The following ENTPD3 variants were observed in gnomAD, a reference collection of about 807,000 sequenced individuals.
ENTPD3 encodes the protein CD39 antigen-like 3.
Under a neutral mutation model 51.2 loss-of-function variants are expected in ENTPD3, and 60 were observed. That is an observed-to-expected ratio of 1.17 (90% CI 0.95 to 1.45). The LOEUF is 1.45. ENTPD3 is among the 40% of genes most tolerant of loss of function. The probability of loss-of-function intolerance (pLI) is 0.00; values close to 1 mark genes in which losing one functional copy is unlikely to be tolerated. For synonymous variants in ENTPD3, 221 were observed against 238.4 expected (o/e 0.93, Z 0.67); for missense variants, 593 against 641.1 (o/e 0.93, Z 0.81).
intron 3 of ENTPD3, 103 bp downstream of exon 3, chr3:40,392,253 C>A (rs1955075921): frequency 7.1e-7 from 1 of 1,399,464 alleles, no homozygotes; most frequent in East Asian, 2.4e-5. Context: ...ATCCTTTCCC[C>A]CCATCTCTGG....
chr3:40,401,841 G>C (rs934474951), intron 4 of ENTPD3, among the ~76,000 whole-genome samples: 4 of 152,182 alleles, frequency 2.6e-5, no homozygotes, highest in Admixed American at 6.5e-5. Context: ...CCCTGAAATG[G>C]AGTATTATCA....
rs1004842615 is a variant in ENTPD3 at position 40,424,119 on chromosome 3, T to C, written c.1353+156T>C. The C allele has an allele frequency of 4.3e-5, 42 of 985,224 alleles. 1 individual carries two copies. In the South Asian group the frequency reaches 1.8e-3, roughly 43 times the overall value. 61.0% of individuals were successfully genotyped at this position (985,224 alleles called of 1,614,324 possible). On this transcript the variant is annotated intron_variant, in intron 10 of 10. Transcript: ENST00000301825. ...TCCCTTGTGAGTTTCCCAGAAGAGGTCATGGAGAATTTAGAAGAGTTGCTC... is the reference window on the plus strand; with the variant it reads ...TCCCTTGTGAGTTTCCCAGAAGAGGCCATGGAGAATTTAGAAGAGTTGCTC...
Position 40,427,435 on chromosome 3 carries a change from C to T in ENTPD3, c.1517C>T (p.Ala506Val). 1 of 1,613,584 alleles carries T rather than the reference C, an allele frequency of 6.2e-7. No homozygotes were observed. Among genetic ancestry groups the T allele is most frequent in the Non-Finnish European group, 8.5e-7 (1 of 1,180,022 alleles). The change falls in exon 11 of 11, where the codon GCA becomes GTA. Residue 506 changes from alanine (A) to valine (V), a missense_variant. Coordinates refer to ENST00000301825, the MANE Select transcript of ENTPD3 (RefSeq NM_001248.4). ...GCCTTGCTGTGTCTGGCATTTCTTGCATACCTGTGTTCAGCAACCAGAAGA... is the reference window on the plus strand; with the variant it reads ...GCCTTGCTGTGTCTGGCATTTCTTGTATACCTGTGTTCAGCAACCAGAAGA... ...AAALLCLAFL[A>V]YLCSATRRKR... is the part of the protein sequence containing the mutation.
intron 3 of ENTPD3, among the ~76,000 whole-genome samples, chr3:40,397,138 T>TTTTTTTTTTC (rs1955224466): frequency 1.4e-5 from 2 of 147,756 alleles, no homozygotes. Flanking sequence ...TTTTTTTTTT[T>TTTTTTTTTTC]TCAGAAAGCC....
chr3:40,420,523 G>A (rs982022560), intron 7 of ENTPD3, among the ~76,000 whole-genome samples: 1 of 152,068 alleles, frequency 6.6e-6, no homozygotes, highest in African/African-American at 2.4e-5. Flanking sequence ...ACACGTGTGA[G>A]CCACCACGCC....
intron 2 of ENTPD3, among the ~76,000 whole-genome samples, chr3:40,389,645 ACAC>A (rs1390684141): frequency 1.3e-5 from 2 of 152,204 alleles, no homozygotes; most frequent in Non-Finnish European, 2.9e-5. Flanking sequence ...ACCAACTTTG[ACAC>A]CAAGAAGTGT....
chr3:40,389,137 A>G (rs1313638788), intron 2 of ENTPD3, among the ~76,000 whole-genome samples: 1 of 152,230 alleles, frequency 6.6e-6, no homozygotes, highest in African/African-American at 2.4e-5. Context: ...TGAAATGTTA[A>G]CACAGATTGT....
Position 40,400,911 on chromosome 3 carries a change from T to C in ENTPD3, c.186T>C (p.Asp62=). 1.2e-6 allele frequency: 2 copies of C among 1,613,696 alleles called. No individual in the cohort carries two copies. Among genetic ancestry groups the C allele is most frequent in the Non-Finnish European group, 1.7e-6 (2 of 1,179,852 alleles). The change falls in exon 4 of 11, where the codon GAT becomes GAC. Residue 62 remains aspartate (D), a synonymous_variant. Coordinates refer to ENST00000301825, the MANE Select transcript of ENTPD3 (RefSeq NM_001248.4). The part of the protein sequence containing the change: ...PPGLKYGIVL[D]AGSSRTTVYV... ...TTATTCAGTATGGTATTGTGCTGGA[T>C]GCCGGGTCTTCAAGAACCACAGTCT... is the stretch of plus-strand genomic sequence containing the variant.
chr3:40,400,919 C>T lies in ENTPD3; in HGVS notation c.194C>T (p.Ser65Phe), dbSNP rs879108898. 2 of 1,613,684 alleles carry T rather than the reference C, an allele frequency of 1.2e-6. No individual in the cohort carries two copies. The highest frequency in any genetic ancestry group is 2.2e-5 in the South Asian group (2 of 91,050). ...TATGGTATTGTGCTGGATGCCGGGT[C>T]TTCAAGAACCACAGTCTACGTGTAT... Reference protein sequence around the residue: ...LKYGIVLDAGSSRTTVYVYQW... With the variant: ...LKYGIVLDAGFSRTTVYVYQW... Residue 65 changes from serine to phenylalanine, a missense_variant, in exon 4 of 11, where the codon TCT becomes TTT. Coordinates refer to ENST00000301825, the MANE Select transcript of ENTPD3 (RefSeq NM_001248.4).
chr3:40,411,308 A>AAAAAAAAG (rs10671439), intron 4 of ENTPD3, among the ~76,000 whole-genome samples: 1 of 148,760 alleles, frequency 6.7e-6, no homozygotes, highest in Admixed American at 6.7e-5. Context: ...AAAAAAAAGA[A>AAAAAAAAG]AAAAAGAAAA....
At chr3:40,392,428 G>A in intron 3 of ENTPD3, 2 of 374,230 alleles carry the variant, frequency 5.3e-6, no homozygotes, top group Non-Finnish European at 9.6e-6. Flanking sequence ...GTAACCAAGA[G>A]TTGCAGATAG....
At chr3:40,414,419 T>G (rs868435598) in intron 5 of ENTPD3, among the ~76,000 whole-genome samples, 10 of 152,088 alleles carry the variant, frequency 6.6e-5, no homozygotes, top group African/African-American at 2.2e-4. Flanking sequence ...ATGAGATGGG[T>G]GGGGAGAACA....
At chr3:40,418,034 A>G (rs1251208929) in intron 7 of ENTPD3, among the ~76,000 whole-genome samples, 1 of 152,190 alleles carries the variant, frequency 6.6e-6, no homozygotes, top group Non-Finnish European at 1.5e-5. Context: ...TGTATCCAGC[A>G]GTCCACAGAG....
At position 40,423,038 on chromosome 3, in the gene ENTPD3, C is replaced by G; in HGVS notation, c.1020C>G (p.Ser340=). The change falls in exon 8 of 11, where the codon TCC becomes TCG. Residue 340 remains serine (S), a synonymous_variant. Coordinates refer to ENST00000301825, the MANE Select transcript of ENTPD3 (RefSeq NM_001248.4). The stretch of plus-strand genomic sequence containing the variant: ...CTCTGTGTAAGGAGAAGGTGGCTTC[C>G]ATATTTGACTTCAAAGCTTGCCATG... The part of the protein sequence containing the change: ...DPSLCKEKVA[S]IFDFKACHDQ... The G allele has an allele frequency of 6.2e-7, 1 of 1,614,086 alleles. No individual in the cohort carries two copies. The highest frequency in any genetic ancestry group is 8.5e-7 in the Non-Finnish European group (1 of 1,179,978).
chr3:40,406,948 G>A (rs934357096), intron 4 of ENTPD3, among the ~76,000 whole-genome samples: 1 of 152,134 alleles, frequency 6.6e-6, no homozygotes, highest in Admixed American at 6.5e-5. Flanking sequence ...GGAAGGGGGT[G>A]AGAAGTGCTT....
intron 3 of ENTPD3, among the ~76,000 whole-genome samples, chr3:40,400,486 T>C (rs916799161): frequency 6.6e-6 from 1 of 152,108 alleles, no homozygotes; most frequent in Non-Finnish European, 1.5e-5. Flanking sequence ...GGCAACTCAA[T>C]TGTATGCAAG....
intron 3 of ENTPD3, among the ~76,000 whole-genome samples, chr3:40,397,271 AC>A (rs1955227559): frequency 6.6e-6 from 1 of 151,712 alleles, no homozygotes; most frequent in African/African-American, 2.4e-5. Flanking sequence ...TGATTACTGA[AC>A]AGTCATGCCA....
chr3:40,421,040 T>C (rs1161486134), intron 7 of ENTPD3, among the ~76,000 whole-genome samples: 1 of 151,510 alleles, frequency 6.6e-6, no homozygotes, highest in Non-Finnish European at 1.5e-5. Flanking sequence ...TTTTTTTTTT[T>C]TGAGACGGAG....
Position 40,400,895 on chromosome 3 carries a change from ATGG to A in ENTPD3, c.172_174del (p.Gly58del). 6.2e-7 allele frequency: 1 copy of A among 1,612,362 alleles called. No individual in the cohort carries two copies. The highest frequency in any genetic ancestry group is 8.5e-7 in the Non-Finnish European group (1 of 1,178,550). On this transcript the variant is annotated inframe_deletion and splice_region_variant, in exon 4 of 11. Transcript: ENST00000301825. ...CTCTCCCTTTCCCTTTTTATTCAGT[ATGG>A]TATTGTGCTGGATGCCGGGTCTTCA...
Sources: allele counts gnomAD v4.1 joint callset (sites outside exome capture counted in the v4.1 genomes callset), GRCh38; gene constraint gnomAD v4.1.1; transcripts MANE v1.5; gene names NCBI Gene and HGNC (gene_info 2026-07-23, HGNC 2026-07-21).